The following PIK3C3 variants were observed in gnomAD, a reference collection of about 807,000 sequenced individuals.
PIK3C3 encodes the protein phosphatidylinositol 3-kinase catalytic subunit type 3.
In PIK3C3, 95 loss-of-function variants were observed where a neutral mutation model predicts 126.1. That is an observed-to-expected ratio of 0.75 (90% CI 0.64 to 0.89). The LOEUF (loss-of-function observed/expected upper bound fraction) is 0.89, where lower values mean the gene tolerates loss of function less well. PIK3C3 is among the 40% of genes least tolerant of loss of function. The pLI, the probability that PIK3C3 is intolerant of heterozygous loss-of-function variation, is 0.00. For missense variants in PIK3C3, 829 were observed against 1,063.2 expected (o/e 0.78, Z 3.06); for synonymous variants, 374 against 360.0 (o/e 1.04, Z -0.44).
In PIK3C3 at chr18:42,028,010, A is replaced by G. The variant is rs556891311; in HGVS notation, c.1590+462A>G. Among the ~76,000 whole-genome samples the G allele has an allele frequency of 2.4e-4, 36 of 152,278 alleles. No homozygotes were observed. In the South Asian group the frequency reaches 7.3e-3, roughly 31 times the overall value. On this transcript the variant is annotated intron_variant, in intron 14 of 24. Transcript: ENST00000262039. ...AAGAAGAAGAATTTGTGATACATGA[A>G]AATTATGTGAATTCAAATTTTAGTG...
intron 10 of PIK3C3, among the ~76,000 whole-genome samples, chr18:42,011,555 A>C (rs1365380756): frequency 1.3e-5 from 2 of 152,162 alleles, no homozygotes; most frequent in South Asian, 4.1e-4. Flanking sequence ...TGTTGTGGCT[A>C]GTTTGATCTA....
chr18:41,980,139 T>G (rs1981125846), intron 4 of PIK3C3, among the ~76,000 whole-genome samples: 1 of 152,146 alleles, frequency 6.6e-6, no homozygotes, highest in African/African-American at 2.4e-5. Flanking sequence ...TAATTTATTG[T>G]TTTCAGAATT....
At chr18:41,957,402 A>G (rs1347430814) in intron 1 of PIK3C3, among the ~76,000 whole-genome samples, 168 bp from the exon 2 acceptor site, 1 of 152,240 alleles carries the variant, frequency 6.6e-6, no homozygotes, top group African/African-American at 2.4e-5. Context: ...AATTTCATAT[A>G]CAGGAAAATG....
In PIK3C3 at chr18:42,067,532, G is replaced by C. The variant is rs1430149124; in HGVS notation, c.2649+19G>C. On this transcript the variant is annotated intron_variant, in intron 24 of 24. Coordinates refer to ENST00000262039, the MANE Select transcript of PIK3C3 (RefSeq NM_002647.4). ...TGCCCAGGTAAGTTCCCTGAGTGCAGTGCATTTTTCTCACCTTCTCCGTGT... is the reference window on the plus strand; with the variant it reads ...TGCCCAGGTAAGTTCCCTGAGTGCACTGCATTTTTCTCACCTTCTCCGTGT... 6.2e-7 allele frequency: 1 copy of C among 1,613,632 alleles called. No homozygotes were observed. The highest frequency in any genetic ancestry group is 1.7e-5 in the Admixed American group (1 of 59,986).
chr18:42,016,487 C>G (rs1342379867), intron 12 of PIK3C3, among the ~76,000 whole-genome samples: 1 of 152,054 alleles, frequency 6.6e-6, no homozygotes, highest in African/African-American at 2.4e-5. Context: ...GTTCTACATG[C>G]TGGGGTTGAT....
At chr18:42,022,584 AC>A in intron 13 of PIK3C3, among the ~76,000 whole-genome samples, 1 of 152,302 alleles carries the variant, frequency 6.6e-6, no homozygotes, top group South Asian at 2.1e-4. Flanking sequence ...ACCACTGTCA[AC>A]AATCTTAAGT....
At chr18:42,045,871 ATC>A (rs1364770616) in intron 20 of PIK3C3, among the ~76,000 whole-genome samples, 2 of 152,162 alleles carry the variant, frequency 1.3e-5, no homozygotes, top group Admixed American at 1.3e-4. Flanking sequence ...AAAGTCATAA[ATC>A]TGTTTAATAA....
Position 42,081,184 on chromosome 18 carries a change from G to A in PIK3C3, c.*47G>A, listed in dbSNP as rs9651. On this transcript the variant is annotated 3_prime_UTR_variant, in exon 25 of 25. Coordinates refer to ENST00000262039, the MANE Select transcript of PIK3C3 (RefSeq NM_002647.4). ...ATGCTTGGCTCAATAAGAAAACCAC[G>A]TTAGGAGCAACCTTTGTATATTGGA... is the stretch of plus-strand genomic sequence containing the variant. The A allele has an allele frequency of 1.6e-4, 227 of 1,417,184 alleles. No individual in the cohort carries two copies. The highest frequency in any genetic ancestry group is 2.0e-4 in the Non-Finnish European group (199 of 1,010,326). The allele number at this position is 1,417,184 out of a possible 1,614,324, so 87.8% of individuals were successfully genotyped here.
intron 10 of PIK3C3, among the ~76,000 whole-genome samples, chr18:42,012,330 A>G (rs776775222): frequency 6.6e-6 from 1 of 152,180 alleles, no homozygotes; most frequent in Non-Finnish European, 1.5e-5. Flanking sequence ...AAGTTATTAC[A>G]GGTGCTATAG....
intron 9 of PIK3C3, among the ~76,000 whole-genome samples, chr18:42,003,204 A>G (rs1437199905): frequency 2.0e-5 from 3 of 152,188 alleles, no homozygotes; most frequent in Non-Finnish European, 4.4e-5. Flanking sequence ...ACTAACAGAA[A>G]TTATGTTTTG....
intron 21 of PIK3C3, chr18:42,050,534 C>T (rs1984756250): frequency 6.6e-6 from 1 of 152,190 alleles, no homozygotes; most frequent in Non-Finnish European, 1.5e-5. Flanking sequence ...CTCATTTTTC[C>T]ATTTCAATAG....
At chr18:41,958,794 T>C (rs1400818966) in intron 2 of PIK3C3, among the ~76,000 whole-genome samples, 2 of 152,052 alleles carry the variant, frequency 1.3e-5, no homozygotes, top group African/African-American at 4.8e-5. Flanking sequence ...TTAATACTTT[T>C]TATTCTGGAA....
intron 21 of PIK3C3, among the ~76,000 whole-genome samples, chr18:42,052,225 G>A (rs759875401): frequency 3.3e-5 from 5 of 151,980 alleles, no homozygotes; most frequent in South Asian, 4.1e-4. Context: ...AAGAATCTGC[G>A]TAATACACTT....
rs567057391 is a variant in PIK3C3 at position 42,042,124 on chromosome 18, C to G, written c.2103+1383C>G. Among the ~76,000 whole-genome samples, 15 of 152,324 alleles carry G rather than the reference C, an allele frequency of 9.8e-5. No homozygotes were observed. The South Asian group carries it at 2.3e-3, about 23-fold the overall frequency. On this transcript the variant is annotated intron_variant, in intron 19 of 24. Coordinates refer to ENST00000262039, the MANE Select transcript of PIK3C3 (RefSeq NM_002647.4). ...CCTTCTGGGAGTCTGGAATTTTGTA[C>G]TTGCTTGACAGAGGTTGCCTGGGTC...
At chr18:42,070,848 GAA>G (rs1289925116) in intron 24 of PIK3C3, among the ~76,000 whole-genome samples, 4 of 152,266 alleles carry the variant, frequency 2.6e-5, no homozygotes, top group Admixed American at 2.6e-4. Flanking sequence ...TATTCATAGA[GAA>G]AATAAAATAT....
intron 2 of PIK3C3, among the ~76,000 whole-genome samples, chr18:41,960,388 T>A (rs1980016083): frequency 6.6e-6 from 1 of 151,884 alleles, no homozygotes; most frequent in Non-Finnish European, 1.5e-5. Context: ...GTTTTGAAAA[T>A]GGCTTTAGAG....
At chr18:42,072,551 T>C (rs1229954830) in intron 24 of PIK3C3, among the ~76,000 whole-genome samples, 1 of 152,160 alleles carries the variant, frequency 6.6e-6, no homozygotes, top group Non-Finnish European at 1.5e-5. Flanking sequence ...AATGATCTTT[T>C]TTGGCATCTT....
intron 4 of PIK3C3, 104 bp from the exon 5 acceptor site, chr18:41,987,708 T>C (rs751668053): frequency 2.8e-5 from 20 of 705,144 alleles, no homozygotes; most frequent in South Asian, 5.4e-5. Context: ...CTATTGTGTA[T>C]AGGAAAGTAT....
chr18:42,032,380 A>G lies in PIK3C3; in HGVS notation c.1708-1446A>G, dbSNP rs184859095. 5.3e-5 allele frequency among the ~76,000 whole-genome samples: 8 copies of G among 152,318 alleles called. No individual in the cohort carries two copies. The East Asian group carries it at 1.5e-3, about 29-fold the overall frequency. On this transcript the variant is annotated intron_variant, in intron 15 of 24. Transcript: ENST00000262039. ...TGACTGAAACACTGAGTAAGAGTAGAAGCTATTGGAGATTTTGAATAGCAG... is the reference window on the plus strand; with the variant it reads ...TGACTGAAACACTGAGTAAGAGTAGGAGCTATTGGAGATTTTGAATAGCAG...
Sources: allele counts gnomAD v4.1 joint callset (sites outside exome capture counted in the v4.1 genomes callset), GRCh38; gene constraint gnomAD v4.1.1; transcripts MANE v1.5; gene names NCBI Gene and HGNC (gene_info 2026-07-23, HGNC 2026-07-21).